EYS: variants seen among roughly 807,000 people sequenced by gnomAD.
EYS encodes the protein protein eyes shut homolog.
In EYS, 250 loss-of-function variants were observed where a neutral mutation model predicts 282.1. The ratio of observed to expected loss-of-function variants is 0.89; its 90% CI spans 0.80 to 0.98. The LOEUF (loss-of-function observed/expected upper bound fraction) is 0.98, where lower values mean the gene tolerates loss of function less well. EYS is among the 50% of genes least tolerant of loss of function. The pLI is 0.00. For synonymous variants in EYS, 1,355 were observed against 1,282.9 expected (o/e 1.06, Z -1.20); for missense variants, 4,016 against 3,709.0 (o/e 1.08, Z -2.15).
intron 26 of EYS, among the ~76,000 whole-genome samples, chr6:64,515,383 A>G (rs181174152): frequency 6.6e-6 from 1 of 151,562 alleles, no homozygotes; most frequent in East Asian, 2.0e-4. Context: ...TAATTTGTAA[A>G]TATCTATTTA....
At chr6:65,201,514 C>G (rs140938885) in intron 12 of EYS, among the ~76,000 whole-genome samples, 19 of 152,234 alleles carry the variant, frequency 1.2e-4, no homozygotes, top group Non-Finnish European at 2.6e-4. Flanking sequence ...ATTGAAAAAT[C>G]TTTCTACAAA....
intron 13 of EYS, among the ~76,000 whole-genome samples, chr6:65,019,079 A>C (rs952686793): frequency 2.0e-5 from 3 of 152,164 alleles, no homozygotes; most frequent in Admixed American, 2.0e-4. Context: ...TTTTGTATCA[A>C]TCCGATGATT....
At chr6:64,550,201 G>T (rs1765027765) in intron 26 of EYS, among the ~76,000 whole-genome samples, 1 of 152,064 alleles carries the variant, frequency 6.6e-6, no homozygotes, top group Non-Finnish European at 1.5e-5. Flanking sequence ...AAACATACAT[G>T]TGCATGTGTC....
intron 24 of EYS, among the ~76,000 whole-genome samples, chr6:64,603,044 A>G (rs1437952366): frequency 6.6e-6 from 1 of 151,976 alleles, no homozygotes; most frequent in Non-Finnish European, 1.5e-5. Flanking sequence ...GAGCTATACA[A>G]GGCTAGGACA....
chr6:65,706,559 C>T (rs192708045), intron 1 of EYS, among the ~76,000 whole-genome samples: 3 of 152,170 alleles, frequency 2.0e-5, no homozygotes, highest in Admixed American at 1.3e-4. Flanking sequence ...CATATCTGAT[C>T]AGTTGTAAGA....
intron 18 of EYS, among the ~76,000 whole-genome samples, chr6:64,901,896 T>A (rs1173613199): frequency 6.6e-6 from 1 of 152,134 alleles, no homozygotes; most frequent in African/African-American, 2.4e-5. Flanking sequence ...CAGGCACACA[T>A]ACAAATAGCA....
In EYS at chr6:65,005,476, C is replaced by G. The variant is rs187591633; in HGVS notation, c.2138-7773G>C. On this transcript the variant is annotated intron_variant, in intron 13 of 42. Transcript: ENST00000503581. Reference sequence around the variant, plus strand: ...ACCGCCATCTTGGGACCTCTGTGAGCAAGGACCACCCGGTAACATTTTGGC... The same window carrying G: ...ACCGCCATCTTGGGACCTCTGTGAGGAAGGACCACCCGGTAACATTTTGGC... 2.1e-3 allele frequency among the ~76,000 whole-genome samples: 316 copies of G among 147,660 alleles called. 53 individuals are homozygous for G. Among genetic ancestry groups the G allele is most frequent in the Non-Finnish European group, 6.1e-4 (40 of 65,880 alleles).
intron 12 of EYS, among the ~76,000 whole-genome samples, chr6:65,141,057 G>T (rs1764324670): frequency 6.6e-6 from 1 of 151,700 alleles, no homozygotes; most frequent in Non-Finnish European, 1.5e-5. Context: ...GTTTATTGCG[G>T]CACTATTCAC....
chr6:65,625,113 C>G (rs973322510), intron 2 of EYS, among the ~76,000 whole-genome samples: 12 of 152,062 alleles, frequency 7.9e-5, no homozygotes, highest in Admixed American at 2.6e-4. Flanking sequence ...AAGTGGGCTG[C>G]CTCTAGAGGC....
At position 64,868,043 on chromosome 6, in the gene EYS, A is replaced by C. The variant is rs1233612263; in HGVS notation, c.2992+18654T>G. ...TACCATGGATTGTTCGAATACTCAT[A>C]AAATATATAAAGAAAAGATGGCATA... On this transcript the variant is annotated intron_variant, in intron 19 of 42. Transcript: ENST00000503581. Among the ~76,000 whole-genome samples, 10 of 151,572 alleles carry C rather than the reference A, an allele frequency of 6.6e-5. No individual in the cohort carries two copies. In the South Asian group the frequency reaches 1.5e-3, roughly 22 times the overall value.
At chr6:65,379,702 G>A (rs985435496) in intron 8 of EYS, among the ~76,000 whole-genome samples, 5 of 151,948 alleles carry the variant, frequency 3.3e-5, no homozygotes, top group African/African-American at 9.7e-5. Context: ...ATACATGATT[G>A]TATATTTAGA....
chr6:64,753,821 T>C (rs574802285), intron 22 of EYS, among the ~76,000 whole-genome samples: 151 of 152,144 alleles, frequency 9.9e-4, no homozygotes, highest in Non-Finnish European at 1.3e-3. Flanking sequence ...CTTGAGTGCA[T>C]AAAACATTCC....
chr6:65,166,660 G>A (rs757388708), intron 12 of EYS, among the ~76,000 whole-genome samples: 1 of 151,144 alleles, frequency 6.6e-6, no homozygotes, highest in Non-Finnish European at 1.5e-5. Flanking sequence ...CTTGGATTAA[G>A]CAATAGTTTT....
intron 2 of EYS, among the ~76,000 whole-genome samples, chr6:65,619,876 A>C (rs912689065): frequency 7.3e-5 from 11 of 151,006 alleles, no homozygotes; most frequent in African/African-American, 2.4e-4. Context: ...GCGTATGTTG[A>C]ACCAGCCTTG....
At chr6:64,999,634 A>G (rs1771395951) in intron 13 of EYS, among the ~76,000 whole-genome samples, 1 of 152,206 alleles carries the variant, frequency 6.6e-6, no homozygotes, top group African/African-American at 2.4e-5. Flanking sequence ...AGACCCTAGC[A>G]GGCAGACACA....
At chr6:63,953,919 A>G (rs1765705226) in intron 35 of EYS, among the ~76,000 whole-genome samples, 1 of 152,132 alleles carries the variant, frequency 6.6e-6, no homozygotes, top group Admixed American at 6.6e-5. Context: ...CCACTGCCCT[A>G]ATACTTTTAG....
intron 19 of EYS, among the ~76,000 whole-genome samples, chr6:64,864,646 A>T (rs1766363377): frequency 6.6e-6 from 1 of 151,062 alleles, no homozygotes; most frequent in African/African-American, 2.4e-5. Context: ...GGCCTTTCAA[A>T]GTGCTGGGAT....
chr6:65,375,616 A>G (rs1244997078), intron 8 of EYS, among the ~76,000 whole-genome samples: 1 of 152,042 alleles, frequency 6.6e-6, no homozygotes, highest in Non-Finnish European at 1.5e-5. Context: ...AATGCAAGGA[A>G]GCTAAGAACC....
At chr6:64,766,642 AAAAAAAAATATATAT>A (rs1428718471) in intron 22 of EYS, among the ~76,000 whole-genome samples, 10 of 34,092 alleles carry the variant, frequency 2.9e-4, no homozygotes, top group South Asian at 1.4e-3. Flanking sequence ...AAAAAAAAAA[AAAAAAAAATATATAT>A]ATATATATAT....
Sources: gnomAD v4.1 joint callset for allele counts (sites outside exome capture counted in the v4.1 genomes callset) on GRCh38, gnomAD v4.1.1 for gene constraint, MANE v1.5 for transcripts, NCBI Gene and HGNC (gene_info 2026-07-23, HGNC 2026-07-21) for gene names.